Variants in SGCD observed in about 807,000 individuals in gnomAD.
SGCD encodes delta-sarcoglycan.
Under a neutral mutation model 36.6 loss-of-function variants are expected in SGCD, and 18 were observed. The ratio of observed to expected loss-of-function variants is 0.49; its 90% CI spans 0.34 to 0.73. SGCD has a LOEUF of 0.73. Among genes scored for constraint, SGCD ranks in the 30% least tolerant of loss-of-function variants. SGCD has a pLI of 0.01. For missense variants in SGCD, 387 were observed against 346.7 expected, an observed-to-expected ratio of 1.12 and a Z score of -0.92; for synonymous variants, 133 against 130.6, an observed-to-expected ratio of 1.02 and a Z score of -0.12.
chr5:156,576,068 T>C (rs1371707647), intron 4 of SGCD, among the ~76,000 whole-genome samples: 1 of 151,970 alleles, frequency 6.6e-6, no homozygotes, highest in Admixed American at 6.6e-5. Flanking sequence ...ATGCTATTCC[T>C]CCCCCTGCCC....
intron 1 of SGCD, among the ~76,000 whole-genome samples, chr5:156,103,472 A>C (rs1354870140): frequency 6.6e-6 from 1 of 152,168 alleles, no homozygotes; most frequent in Non-Finnish European, 1.5e-5. Flanking sequence ...ACACATAATA[A>C]AAAATTAAAT....
At chr5:156,512,387 T>C (rs1282290626) in intron 4 of SGCD, among the ~76,000 whole-genome samples, 1 of 152,144 alleles carries the variant, frequency 6.6e-6, no homozygotes, top group Non-Finnish European at 1.5e-5. Context: ...CTGTTCCAGT[T>C]GCCTACAATA....
chr5:156,088,611 C>G lies in SGCD; in HGVS notation c.-281-29267C>G, dbSNP rs917530362. Among the ~76,000 whole-genome samples, 8 of 152,040 alleles carry G rather than the reference C, an allele frequency of 5.3e-5. 1 individual carries two copies. The highest frequency in any genetic ancestry group is 1.3e-4 in the Admixed American group (2 of 15,256). On this transcript the variant is annotated intron_variant, in intron 1 of 9. Transcript: ENST00000517913. ...ACCACCTGGACTCAAGTGATCCCCC[C>G]ACCTCAACCTTCTGAGTATCTGGGA...
In SGCD at chr5:156,299,320, C is replaced by G. The variant is rs368140630; in HGVS notation, c.-43-30214C>G. ...CTGTGTATCTGTTTTTATGCCAGTA[C>G]CATGCCAATTTGGTTACCATAGCTC... On this transcript the variant is annotated intron_variant, in intron 3 of 9. Transcript: ENST00000517913. Among the ~76,000 whole-genome samples, 3 of 152,234 alleles carry G rather than the reference C, an allele frequency of 2.0e-5. No individual in the cohort carries two copies. In the East Asian group the frequency reaches 5.8e-4, roughly 29 times the overall value.
chr5:156,745,062 A>G (rs1178896688), intron 7 of SGCD, among the ~76,000 whole-genome samples: 1 of 152,168 alleles, frequency 6.6e-6, no homozygotes, highest in African/African-American at 2.4e-5. Flanking sequence ...ATTTAGCTTC[A>G]GTTTTCATGG....
At chr5:156,563,920 C>T (rs1342924263) in intron 4 of SGCD, among the ~76,000 whole-genome samples, 2 of 152,218 alleles carry the variant, frequency 1.3e-5, no homozygotes, top group East Asian at 1.9e-4. Flanking sequence ...CCCCTACTCC[C>T]TCAAGTTCTT....
At chr5:155,921,093 C>T (rs1342604485) in intron 1 of SGCD, among the ~76,000 whole-genome samples, 4 of 152,154 alleles carry the variant, frequency 2.6e-5, no homozygotes, top group Non-Finnish European at 2.9e-5. Context: ...GATAAAAACA[C>T]GGTGTCTAAG....
chr5:156,382,857 G>T lies in SGCD; in HGVS notation c.192+38180G>T, dbSNP rs568668262. On this transcript the variant is annotated intron_variant, in intron 3 of 8. Transcript: ENST00000337851. ...AAAACAGTTATTAGATTTTAAACTG[G>T]GCATTCCAGGTTTTTCCTTATTAGA... Among the ~76,000 whole-genome samples the T allele has an allele frequency of 2.5e-4, 38 of 152,190 alleles. No homozygotes were observed. The South Asian group carries it at 7.9e-3, about 32-fold the overall frequency.
chr5:155,757,390 G>T, the SGCD span, among the ~76,000 whole-genome samples: 17 of 152,236 alleles, frequency 1.1e-4, no homozygotes, highest in Middle Eastern at 6.8e-3. Context: ...TATGCAACAG[G>T]TACAGGCTAA....
intron 3 of SGCD, among the ~76,000 whole-genome samples, chr5:156,487,235 A>G (rs1430570847): frequency 6.6e-6 from 1 of 152,202 alleles, no homozygotes; most frequent in Non-Finnish European, 1.5e-5. Flanking sequence ...TAACTTGCAG[A>G]CACCATTCAT....
rs10529406 is a variant in SGCD at position 156,406,018 on chromosome 5, T to TAAAAAAAAAAAAA, written c.192+61345_192+61357dup. Among the ~76,000 whole-genome samples the TAAAAAAAAAAAAA allele has an allele frequency of 8.1e-4, 84 of 103,962 alleles. 1 individual carries two copies. The highest frequency in any genetic ancestry group is 1.4e-3 in the Non-Finnish European group (76 of 55,700). The allele number at this position is 103,962 out of a possible 152,430, so 68.2% of individuals were successfully genotyped here. A position where few individuals can be genotyped will look rare whatever the true frequency, so the allele number is the denominator to read the frequency against. On this transcript the variant is annotated intron_variant, in intron 3 of 8. Transcript: ENST00000337851. The stretch of plus-strand genomic sequence containing the variant: ...TGCTGTATTTGGCCCTATCTTTGCT[T>TAAAAAAAAAAAAA]AAAAAAAAAAAAAAAAGGCCTCTGG...
chr5:156,311,253 C>CATTTCA (rs761366780), intron 3 of SGCD, among the ~76,000 whole-genome samples: 9 of 152,090 alleles, frequency 5.9e-5, no homozygotes, highest in Non-Finnish European at 1.2e-4. Context: ...TAAAATCTGT[C>CATTTCA]ATTTCATATG....
At chr5:156,717,525 A>C (rs960336109) in intron 7 of SGCD, among the ~76,000 whole-genome samples, 8 of 152,196 alleles carry the variant, frequency 5.3e-5, no homozygotes, top group Admixed American at 3.3e-4. Flanking sequence ...CTTTGACATC[A>C]TGGGGGAATT....
At chr5:156,490,896 T>C (rs1755909667) in intron 3 of SGCD, among the ~76,000 whole-genome samples, 1 of 152,078 alleles carries the variant, frequency 6.6e-6, no homozygotes, top group African/African-American at 2.4e-5. Context: ...TTATCCAAAC[T>C]GGAAAAGAGG....
intron 1 of SGCD, among the ~76,000 whole-genome samples, chr5:155,936,245 C>T (rs938309016): frequency 6.6e-6 from 1 of 152,130 alleles, no homozygotes; most frequent in Admixed American, 6.5e-5. Flanking sequence ...TGCCATTCGA[C>T]GGGTCCCGAG....
chr5:156,046,138 A>G (rs1320519527), intron 1 of SGCD, among the ~76,000 whole-genome samples: 1 of 152,078 alleles, frequency 6.6e-6, no homozygotes, highest in Non-Finnish European at 1.5e-5. Context: ...GCTCCAGTCC[A>G]GCTATAGTCA....
At chr5:156,646,707 A>G (rs186557736) in intron 6 of SGCD, among the ~76,000 whole-genome samples, 1 of 152,326 alleles carries the variant, frequency 6.6e-6, no homozygotes, top group Admixed American at 6.5e-5. Flanking sequence ...TGAAAAACTA[A>G]TATCTTGTGC....
chr5:156,372,287 A>G (rs1421494441), intron 3 of SGCD, among the ~76,000 whole-genome samples: 2 of 152,230 alleles, frequency 1.3e-5, no homozygotes, highest in African/African-American at 2.4e-5. Context: ...TAGCACCTTT[A>G]TATGTGTTAA....
chr5:156,446,746 T>C (rs992396048), intron 3 of SGCD, among the ~76,000 whole-genome samples: 1 of 152,136 alleles, frequency 6.6e-6, no homozygotes, highest in Non-Finnish European at 1.5e-5. Flanking sequence ...GTAAAATTCC[T>C]GGAATGAAAT....
Sources: allele counts gnomAD v4.1 joint callset (sites outside exome capture counted in the v4.1 genomes callset), GRCh38; gene constraint gnomAD v4.1.1; transcripts MANE v1.5; gene names NCBI Gene and HGNC (gene_info 2026-07-23, HGNC 2026-07-21).